GMDS: variants seen among roughly 807,000 people sequenced by gnomAD.
GMDS encodes GDP-mannose 4,6-dehydratase, also known as GDP-mannose 4,6 dehydratase.
In GMDS, 20 loss-of-function variants were observed where a neutral mutation model predicts 49.9. The ratio of observed to expected loss-of-function variants is 0.40; its 90% confidence interval spans 0.28 to 0.58. The LOEUF (loss-of-function observed/expected upper bound fraction) is 0.58. Among genes scored for constraint, GMDS ranks in the 20% least tolerant of loss-of-function variants. The pLI is 0.42. For synonymous variants in GMDS, 177 were observed against 178.6 expected (o/e 0.99, Z 0.07); for missense variants, 362 against 481.4 (o/e 0.75, Z 2.32).
rs564838706 is a variant in GMDS, at chr6:2,083,781, T to C, written c.345+31990A>G. Reference sequence around the variant, plus strand: ...CCATCATCAACTAATCTGCAAATTATGGTATATTTATCATTTGCTATTGAT... The same window carrying C: ...CCATCATCAACTAATCTGCAAATTACGGTATATTTATCATTTGCTATTGAT... On this transcript the variant is annotated intron_variant, in intron 4 of 10. Transcript: ENST00000380815. Among the ~76,000 whole-genome samples the C allele has an allele frequency of 2.4e-3, 368 of 152,338 alleles. 1 individual carries two copies. The highest frequency in any genetic ancestry group is 4.1e-3 in the Admixed American group (62 of 15,306).
chr6:1,912,461 C>T (rs1761119564), intron 7 of GMDS, among the ~76,000 whole-genome samples: 1 of 152,184 alleles, frequency 6.6e-6, no homozygotes, highest in Admixed American at 6.5e-5. Context: ...AGGTTAAACA[C>T]TTTGCATTAC....
rs556603828 is a variant in GMDS at position 2,143,060 on chromosome 6, G to A, written c.103-18329C>T. On this transcript the variant is annotated intron_variant, in intron 1 of 10. Coordinates refer to ENST00000380815, the MANE Select transcript of GMDS (RefSeq NM_001500.4). ...CCCCACTGTTTCCCACTGGTCTGTA[G>A]GGTCTACAAGGACAGGACCATGACT... 3.3e-5 allele frequency among the ~76,000 whole-genome samples: 5 copies of A among 152,334 alleles called. No individual in the cohort carries two copies. In the South Asian group the frequency reaches 8.3e-4, roughly 25 times the overall value.
At chr6:2,151,455 A>G (rs1258176040) in intron 1 of GMDS, among the ~76,000 whole-genome samples, 1 of 152,260 alleles carries the variant, frequency 6.6e-6, no homozygotes, top group Non-Finnish European at 1.5e-5. Context: ...ACAATACATG[A>G]GCAATATAGC....
At chr6:2,113,557 AC>A (rs1437585856) in intron 4 of GMDS, among the ~76,000 whole-genome samples, 13 of 149,960 alleles carry the variant, frequency 8.7e-5, no homozygotes, top group Admixed American at 8.7e-4. Context: ...TCATATTATT[AC>A]CCCCGTTTCA....
chr6:2,146,364 C>A (rs953179729), intron 1 of GMDS, among the ~76,000 whole-genome samples: 2 of 152,054 alleles, frequency 1.3e-5, no homozygotes, highest in African/African-American at 4.8e-5. Flanking sequence ...AAAGGATGGG[C>A]AAAGTCAACA....
intron 6 of GMDS, among the ~76,000 whole-genome samples, chr6:1,944,587 G>A (rs1456255850): frequency 4.0e-5 from 6 of 151,128 alleles, no homozygotes; most frequent in South Asian, 4.2e-4. Flanking sequence ...GGAGAATGGC[G>A]TGAACCCAGG....
chr6:1,936,929 T>G (rs1161142914), intron 6 of GMDS, among the ~76,000 whole-genome samples: 1 of 143,488 alleles, frequency 7.0e-6, no homozygotes, highest in Non-Finnish European at 1.5e-5. Context: ...ATCACCCCAC[T>G]GCAATCCAGC....
chr6:1,979,682 G>A (rs1259684902), intron 4 of GMDS, among the ~76,000 whole-genome samples: 1 of 152,152 alleles, frequency 6.6e-6, no homozygotes, highest in Non-Finnish European at 1.5e-5. Flanking sequence ...TTCAAATTCA[G>A]GAAATGCAGA....
At position 2,099,628 on chromosome 6, in the gene GMDS, C is replaced by T. The variant is rs533855493; in HGVS notation, c.345+16143G>A. Among the ~76,000 whole-genome samples the T allele has an allele frequency of 9.2e-5, 14 of 151,940 alleles. No individual in the cohort carries two copies. In the South Asian group the frequency reaches 2.9e-3, roughly 32 times the overall value. On this transcript the variant is annotated intron_variant, in intron 4 of 10. Transcript: ENST00000380815. ...CTAATTTTCTCTAGATAAGATATCCCCATATTAACAGTATGACCAAAAGCT... is the reference window on the plus strand; with the variant it reads ...CTAATTTTCTCTAGATAAGATATCCTCATATTAACAGTATGACCAAAAGCT...
rs747367006 is a variant in GMDS, at chr6:1,788,549, G to T, written c.772-45963C>A. 1.1e-4 allele frequency among the ~76,000 whole-genome samples: 17 copies of T among 152,254 alleles called. 1 individual carries two copies. The Middle Eastern group carries it at 0.024, about 213-fold the overall frequency. On this transcript the variant is annotated intron_variant, in intron 7 of 10. Coordinates refer to ENST00000380815, the MANE Select transcript of GMDS (RefSeq NM_001500.4). ...TGATATTACACTAGCAATGGAAGGG[G>T]AACAATAAGACCTGCAGGTGATGAC...
intron 7 of GMDS, among the ~76,000 whole-genome samples, chr6:1,884,271 G>T (rs1471501251): frequency 6.6e-6 from 1 of 152,122 alleles, no homozygotes; most frequent in East Asian, 1.9e-4. Context: ...CCAAAACACT[G>T]CCAACAAAGG....
intron 4 of GMDS, among the ~76,000 whole-genome samples, chr6:2,067,628 T>C (rs2127455175): frequency 6.6e-6 from 1 of 152,094 alleles, no homozygotes; most frequent in South Asian, 2.1e-4. Context: ...CAGAGAATAC[T>C]ATAAACACCT....
chr6:1,783,861 C>T (rs1006347018), intron 7 of GMDS, among the ~76,000 whole-genome samples: 2 of 152,068 alleles, frequency 1.3e-5, no homozygotes, highest in African/African-American at 2.4e-5. Context: ...GTGACAGAAA[C>T]AACATTGCGA....
At chr6:1,750,932 T>A (rs1186264942) in intron 7 of GMDS, among the ~76,000 whole-genome samples, 1 of 152,104 alleles carries the variant, frequency 6.6e-6, no homozygotes, top group African/African-American at 2.4e-5. Context: ...GGTTTTCCCC[T>A]CACAGTGTAA....
chr6:1,744,747 A>C (rs1050479647), intron 7 of GMDS, among the ~76,000 whole-genome samples: 4 of 152,252 alleles, frequency 2.6e-5, no homozygotes, highest in African/African-American at 9.6e-5. Flanking sequence ...TGTGCCTGCA[A>C]GTGAAATTCC....
At chr6:2,118,811 G>C (rs1774988064) in intron 2 of GMDS, among the ~76,000 whole-genome samples, 1 of 152,046 alleles carries the variant, frequency 6.6e-6, no homozygotes. Flanking sequence ...TTCAACCCTA[G>C]GAAGCATTAA....
chr6:2,018,223 AGAATAGAATTACGCTGAT>A (rs1768027674), intron 4 of GMDS, among the ~76,000 whole-genome samples: 1 of 152,240 alleles, frequency 6.6e-6, no homozygotes. Context: ...TAATGATTAT[AGAATAGAATTACGCTGAT>A]GCTATGACTC....
chr6:1,659,660 C>T (rs368683934), intron 9 of GMDS, among the ~76,000 whole-genome samples: 2 of 152,074 alleles, frequency 1.3e-5, no homozygotes, highest in African/African-American at 4.8e-5. Flanking sequence ...CTCTCACTGC[C>T]CCCCTGCCCC....
chr6:1,723,428 G>A (rs1766461722), intron 9 of GMDS, among the ~76,000 whole-genome samples: 3 of 149,456 alleles, frequency 2.0e-5, no homozygotes, highest in Admixed American at 1.3e-4. Flanking sequence ...CCGGGTTCAC[G>A]CCATTCTCCT....
Sources: gnomAD v4.1 joint callset for allele counts (sites outside exome capture counted in the v4.1 genomes callset) on GRCh38, gnomAD v4.1.1 for gene constraint, MANE v1.5 for transcripts, NCBI Gene and HGNC (gene_info 2026-07-23, HGNC 2026-07-21) for gene names.